THSD4: variants seen among roughly 807,000 people sequenced by gnomAD.
THSD4 encodes the protein thrombospondin type 1 domain containing 4, also known as thrombospondin type-1 domain-containing protein 4.
Under a neutral mutation model 119.0 loss-of-function variants are expected in THSD4, and 69 were observed. The observed-to-expected ratio is 0.58, with a 90% CI of 0.48 to 0.71. The LOEUF is 0.71. THSD4 is among the 30% of genes least tolerant of loss of function. The pLI, the probability that THSD4 is intolerant of heterozygous loss-of-function variation, is 0.00. For missense variants in THSD4, 1,393 were observed against 1,391.1 expected, an observed-to-expected ratio of 1.00 and a Z score of -0.02; for synonymous variants, 524 against 540.4, an observed-to-expected ratio of 0.97 and a Z score of 0.42.
At chr15:71,757,785 T>C in intron 14 of THSD4, 117 bp from the exon 15 acceptor site, 1 of 1,337,786 alleles carries the variant, frequency 7.5e-7, no homozygotes, top group Non-Finnish European at 1.0e-6. Flanking sequence ...GCCAGATATT[T>C]CTAGGGGAAA....
chr15:71,171,318 C>T (rs777639084), intron 3 of THSD4, among the ~76,000 whole-genome samples: 17 of 152,144 alleles, frequency 1.1e-4, no homozygotes, highest in Non-Finnish European at 1.2e-4. Context: ...TATATGGGAA[C>T]AAAGTTAAGA....
At chr15:71,272,559 A>G (rs906186052) in intron 6 of THSD4, among the ~76,000 whole-genome samples, 4 of 152,154 alleles carry the variant, frequency 2.6e-5, no homozygotes, top group Non-Finnish European at 1.5e-5. Flanking sequence ...AACTACAATA[A>G]GCTATCATCT....
At chr15:71,651,622 T>TA (rs1409563532) in intron 7 of THSD4, among the ~76,000 whole-genome samples, 2 of 150,880 alleles carry the variant, frequency 1.3e-5, no homozygotes, top group Admixed American at 1.3e-4. Context: ...ATTTTGGAAA[T>TA]ACAAGATTTG....
chr15:71,611,443 C>T (rs1006004212), intron 7 of THSD4, among the ~76,000 whole-genome samples: 5 of 152,214 alleles, frequency 3.3e-5, no homozygotes, highest in African/African-American at 1.2e-4. Flanking sequence ...GCAAAAACCC[C>T]TATGCTAATT....
At chr15:71,553,968 G>A (rs1339271527) in intron 7 of THSD4, among the ~76,000 whole-genome samples, 4 of 151,420 alleles carry the variant, frequency 2.6e-5, no homozygotes, top group Non-Finnish European at 4.4e-5. Context: ...ATTGGCTCTC[G>A]GCTGTATTTT....
intron 16 of THSD4, among the ~76,000 whole-genome samples, chr15:71,770,339 T>C (rs1376230810): frequency 7.3e-5 from 8 of 109,314 alleles, no homozygotes; most frequent in African/African-American, 3.0e-4. Flanking sequence ...AAATATGATA[T>C]GTCCTTTAAA....
intron 3 of THSD4, among the ~76,000 whole-genome samples, chr15:71,172,667 G>A (rs1239914555): frequency 1.4e-4 from 5 of 35,276 alleles, no homozygotes; most frequent in Non-Finnish European, 3.4e-4. Context: ...AATACAGCAT[G>A]AAAATAGACC....
chr15:71,593,059 A>AGAAGTGAGCAGAG (rs1350812283), intron 7 of THSD4, among the ~76,000 whole-genome samples: 2 of 152,154 alleles, frequency 1.3e-5, no homozygotes, highest in African/African-American at 4.8e-5. Flanking sequence ...AATCAAGTGG[A>AGAAGTGAGCAGAG]GAAGTGAGCA....
chr15:71,631,296 G>T (rs535563986), intron 7 of THSD4, among the ~76,000 whole-genome samples: 1 of 152,304 alleles, frequency 6.6e-6, no homozygotes, highest in South Asian at 2.1e-4. Flanking sequence ...TACACTCAGG[G>T]TTGAAAAGGA....
At chr15:71,684,104 T>C (rs1349585632) in intron 8 of THSD4, among the ~76,000 whole-genome samples, 1 of 152,230 alleles carries the variant, frequency 6.6e-6, no homozygotes, top group African/African-American at 2.4e-5. Context: ...AGATTCATCA[T>C]AGGTATTTAA....
intron 7 of THSD4, among the ~76,000 whole-genome samples, chr15:71,455,268 C>A (rs907398272): frequency 6.6e-6 from 1 of 152,112 alleles, no homozygotes; most frequent in Non-Finnish European, 1.5e-5. Flanking sequence ...GATGCAGCAG[C>A]GGCACCACAA....
chr15:71,392,225 A>G (rs2046388173), intron 6 of THSD4, among the ~76,000 whole-genome samples: 1 of 152,178 alleles, frequency 6.6e-6, no homozygotes. Flanking sequence ...CGATATTTCC[A>G]TGTCTGCAAT....
At chr15:71,554,499 C>T (rs2048987750) in intron 7 of THSD4, among the ~76,000 whole-genome samples, 1 of 152,144 alleles carries the variant, frequency 6.6e-6, no homozygotes, top group Non-Finnish European at 1.5e-5. Flanking sequence ...AGTAATCCTC[C>T]TGCCTCAGCC....
At chr15:71,499,864 T>G (rs1228114809) in intron 7 of THSD4, among the ~76,000 whole-genome samples, 1 of 152,204 alleles carries the variant, frequency 6.6e-6, no homozygotes, top group Non-Finnish European at 1.5e-5. Flanking sequence ...AATATTCCAT[T>G]GTATGAATAT....
intron 7 of THSD4, among the ~76,000 whole-genome samples, chr15:71,545,431 C>T (rs1263181359): frequency 6.6e-6 from 1 of 152,184 alleles, no homozygotes; most frequent in Non-Finnish European, 1.5e-5. Context: ...CAGCTACACC[C>T]ATTCATGTGT....
intron 6 of THSD4, chr15:71,341,855 T>C (rs1182204974): frequency 1.6e-5 from 10 of 627,092 alleles, no homozygotes; most frequent in African/African-American, 5.5e-5. Flanking sequence ...GTTTTTATTA[T>C]ATTTCATCTA....
chr15:71,140,892 A>G (rs754391730), intron 1 of THSD4, among the ~76,000 whole-genome samples: 11 of 152,288 alleles, frequency 7.2e-5, no homozygotes, highest in Non-Finnish European at 1.3e-4. Flanking sequence ...CAACGAATCT[A>G]CTTTCTGTCT....
chr15:71,547,338 A>T, intron 7 of THSD4: 1 of 1,543,256 alleles, frequency 6.5e-7, no homozygotes, highest in Non-Finnish European at 8.7e-7. Flanking sequence ...CCCGAGACAC[A>T]AGTGCATCTG....
At chr15:71,340,049 G>A (rs926392126) in intron 6 of THSD4, among the ~76,000 whole-genome samples, 10 of 152,186 alleles carry the variant, frequency 6.6e-5, no homozygotes, top group African/African-American at 2.2e-4. Context: ...ACAGACATGA[G>A]CCACTGCACC....
Sources: allele counts gnomAD v4.1 joint callset (sites outside exome capture counted in the v4.1 genomes callset), GRCh38; gene constraint gnomAD v4.1.1; transcripts MANE v1.5; gene names NCBI Gene and HGNC (gene_info 2026-07-23, HGNC 2026-07-21).